Variants in CCSER1 observed in about 807,000 individuals in gnomAD.
CCSER1 encodes the protein serine-rich coiled-coil domain-containing protein 1.
In CCSER1, 41 loss-of-function variants were observed where a neutral mutation model predicts 82.0. The observed-to-expected ratio is 0.50, with a 90% confidence interval of 0.39 to 0.65. CCSER1 has a LOEUF of 0.65. CCSER1 is among the 30% of genes least tolerant of loss of function. The pLI is 0.00. For synonymous variants in CCSER1, 414 were observed against 383.9 expected, an observed-to-expected ratio of 1.08 and a Z score of -0.92; for missense variants, 1,119 against 1,064.2, an observed-to-expected ratio of 1.05 and a Z score of -0.72.
chr4:91,426,539 T>C (rs1753993111), intron 10 of CCSER1, among the ~76,000 whole-genome samples: 1 of 151,898 alleles, frequency 6.6e-6, no homozygotes, highest in South Asian at 2.1e-4. Flanking sequence ...GATTGACTCA[T>C]GAAAGGTCAA....
intron 10 of CCSER1, among the ~76,000 whole-genome samples, chr4:91,168,750 TGAAAA>T (rs1342386560): frequency 1.3e-5 from 2 of 151,080 alleles, no homozygotes; most frequent in South Asian, 4.2e-4. Context: ...GTGGTTTTGT[TGAAAA>T]GAAAAGGGGG....
chr4:90,777,949 G>C (rs529231454), intron 7 of CCSER1, among the ~76,000 whole-genome samples: 1 of 152,160 alleles, frequency 6.6e-6, no homozygotes, highest in African/African-American at 2.4e-5. Context: ...TATGTTCAGA[G>C]TGCCTGGCAT....
intron 10 of CCSER1, among the ~76,000 whole-genome samples, chr4:91,442,850 C>T (rs1202466723): frequency 1.3e-5 from 2 of 152,082 alleles, no homozygotes; most frequent in East Asian, 3.9e-4. Context: ...GACATTTATG[C>T]AGCCAAAAAA....
At chr4:91,227,554 GT>G (rs558363023) in intron 10 of CCSER1, among the ~76,000 whole-genome samples, 29 of 145,642 alleles carry the variant, frequency 2.0e-4, no homozygotes, top group African/African-American at 2.5e-4. Flanking sequence ...ACATGTACTG[GT>G]TTTTTTTTTT....
chr4:90,607,161 A>C (rs1560800908), intron 5 of CCSER1, among the ~76,000 whole-genome samples: 1 of 152,156 alleles, frequency 6.6e-6, no homozygotes, highest in Non-Finnish European at 1.5e-5. Context: ...TTTTAACCAA[A>C]AGCGTCAGAA....
chr4:91,044,452 A>T (rs1341739190), intron 9 of CCSER1, among the ~76,000 whole-genome samples: 1 of 152,220 alleles, frequency 6.6e-6, no homozygotes, highest in Non-Finnish European at 1.5e-5. Flanking sequence ...TCATGTATAG[A>T]CAAATCAATA....
chr4:90,966,579 A>G (rs578140846), intron 9 of CCSER1, among the ~76,000 whole-genome samples: 2 of 152,178 alleles, frequency 1.3e-5, no homozygotes, highest in Non-Finnish European at 2.9e-5. Context: ...AACCTGCCTT[A>G]TAAGAAATTT....
chr4:91,053,397 T>A lies in CCSER1; in HGVS notation c.2173-32553T>A, dbSNP rs143470786. 6.6e-5 allele frequency among the ~76,000 whole-genome samples: 10 copies of A among 152,300 alleles called. No homozygotes were observed. The East Asian group carries it at 1.5e-3, about 23-fold the overall frequency. The stretch of plus-strand genomic sequence containing the variant: ...CTGTACAAGTTTTGTCAAGCTATGG[T>A]GGAACATGGTATCACAAATACAGAT... On this transcript the variant is annotated intron_variant, in intron 9 of 10. Coordinates refer to ENST00000509176, the MANE Select transcript of CCSER1 (RefSeq NM_001145065.2).
chr4:91,380,067 T>G (rs1426162674), intron 10 of CCSER1, among the ~76,000 whole-genome samples: 1 of 152,192 alleles, frequency 6.6e-6, no homozygotes, highest in Non-Finnish European at 1.5e-5. Context: ...TTGAGTGAGT[T>G]TCTTAATCCT....
chr4:91,573,571 A>T (rs1224023878), intron 10 of CCSER1, among the ~76,000 whole-genome samples: 1 of 152,212 alleles, frequency 6.6e-6, no homozygotes, highest in East Asian at 1.9e-4. Context: ...GCAAAGATCC[A>T]TAGGAGAAGT....
At chr4:91,428,092 A>G (rs1045174036) in intron 10 of CCSER1, among the ~76,000 whole-genome samples, 2 of 152,026 alleles carry the variant, frequency 1.3e-5, no homozygotes, top group East Asian at 1.9e-4. Flanking sequence ...TTGACACCTG[A>G]TAAGATTTTG....
intron 1 of CCSER1, among the ~76,000 whole-genome samples, chr4:90,207,989 T>C (rs1578495951): frequency 6.6e-6 from 1 of 152,176 alleles, no homozygotes; most frequent in East Asian, 1.9e-4. Context: ...GGACTCACTT[T>C]AGGAAGCAAT....
rs576280465 is a variant in CCSER1, at chr4:91,083,846, G to A, written c.2173-2104G>A. On this transcript the variant is annotated intron_variant, in intron 9 of 10. Coordinates refer to ENST00000509176, the MANE Select transcript of CCSER1 (RefSeq NM_001145065.2). ...AGGAGGTTTTACAAAAGTAAACAGT[G>A]TCAGTGATTTTGGTGACATTAACAA... is the stretch of plus-strand genomic sequence containing the variant. 1.1e-4 allele frequency among the ~76,000 whole-genome samples: 17 copies of A among 152,232 alleles called. 1 individual carries two copies. The South Asian group carries it at 3.5e-3, about 32-fold the overall frequency.
intron 10 of CCSER1, among the ~76,000 whole-genome samples, chr4:91,107,181 T>C (rs1725698182): frequency 6.6e-6 from 1 of 152,196 alleles, no homozygotes; most frequent in Non-Finnish European, 1.5e-5. Flanking sequence ...CCTAGGTGTA[T>C]AGTAGCCTAT....
chr4:90,963,406 A>T (rs1023527258), intron 9 of CCSER1, among the ~76,000 whole-genome samples: 1 of 152,218 alleles, frequency 6.6e-6, no homozygotes, highest in African/African-American at 2.4e-5. Flanking sequence ...TGAAATACAT[A>T]TATACATTTT....
At chr4:90,782,686 T>TTTTC (rs1561127601) in intron 7 of CCSER1, among the ~76,000 whole-genome samples, 1 of 117,502 alleles carries the variant, frequency 8.5e-6, no homozygotes, top group African/African-American at 3.2e-5. Context: ...TCTTTCTTTC[T>TTTTC]TTTTTTTTTT....
Position 91,478,185 on chromosome 4 carries a change from C to CTGGA in CCSER1, c.2218-120386_2218-120383dup, listed in dbSNP as rs553787299. Among the ~76,000 whole-genome samples, 135 of 151,990 alleles carry CTGGA rather than the reference C, an allele frequency of 8.9e-4. 3 individuals carry two copies. In the South Asian group the frequency reaches 0.027, roughly 30 times the overall value. On this transcript the variant is annotated intron_variant, in intron 10 of 10. Transcript: ENST00000509176. The stretch of plus-strand genomic sequence containing the variant: ...GCTTTTCTAAAGTATTAATAACTTG[C>CTGGA]TGGACTAACTGATTTCAATTATTTC...
intron 7 of CCSER1, among the ~76,000 whole-genome samples, chr4:90,792,220 G>A (rs754088284): frequency 7.9e-5 from 12 of 151,894 alleles, no homozygotes; most frequent in Non-Finnish European, 1.2e-4. Context: ...ATTGATGCTC[G>A]AGTCCATGAA....
intron 9 of CCSER1, among the ~76,000 whole-genome samples, chr4:90,994,707 T>C (rs775274774): frequency 2.6e-5 from 4 of 152,198 alleles, no homozygotes; most frequent in Non-Finnish European, 5.9e-5. Context: ...CTCATGGTTC[T>C]GACCAATATG....
Sources: gnomAD v4.1 joint callset for allele counts (sites outside exome capture counted in the v4.1 genomes callset) on GRCh38, gnomAD v4.1.1 for gene constraint, MANE v1.5 for transcripts, NCBI Gene and HGNC (gene_info 2026-07-23, HGNC 2026-07-21) for gene names.